Variants in PTH2R observed in about 807,000 individuals in gnomAD.
PTH2R encodes parathyroid hormone 2 receptor, also known as PTH2 receptor.
Under a neutral mutation model 60.3 loss-of-function variants are expected in PTH2R, and 59 were observed. The observed-to-expected ratio is 0.98, with a 90% CI of 0.79 to 1.22. PTH2R has a LOEUF of 1.22. Among genes scored for constraint, PTH2R ranks in the 50% most tolerant of loss-of-function variants. The probability of loss-of-function intolerance (pLI) is 0.00; values close to 1 mark genes in which losing one functional copy is unlikely to be tolerated. For synonymous variants in PTH2R, 256 were observed against 243.8 expected (o/e 1.05, Z -0.47); for missense variants, 749 against 682.6 (o/e 1.10, Z -1.08).
intron 9 of PTH2R, among the ~76,000 whole-genome samples, chr2:208,475,000 A>T (rs552412791): frequency 5.9e-4 from 90 of 152,322 alleles, no homozygotes; most frequent in Non-Finnish European, 1.0e-3. Context: ...ATGGAAGGAG[A>T]TCAGTGCTGC....
At chr2:208,418,472 T>C (rs1701686641) in intron 1 of PTH2R, among the ~76,000 whole-genome samples, 1 of 151,756 alleles carries the variant, frequency 6.6e-6, no homozygotes, top group Non-Finnish European at 1.5e-5. Context: ...ATGAGAATGA[T>C]AATACACCAC....
chr2:208,387,661 C>T (rs1701026442), intron 1 of PTH2R, among the ~76,000 whole-genome samples: 1 of 152,090 alleles, frequency 6.6e-6, no homozygotes, highest in Admixed American at 6.5e-5. Context: ...ATAATTGAGG[C>T]AAAATAACAT....
At chr2:208,462,561 A>T (rs1446147760) in intron 9 of PTH2R, among the ~76,000 whole-genome samples, 3 of 152,246 alleles carry the variant, frequency 2.0e-5, no homozygotes, top group Non-Finnish European at 2.9e-5. Context: ...AGCTTGGATT[A>T]TACACAGTGA....
intron 9 of PTH2R, among the ~76,000 whole-genome samples, chr2:208,462,034 A>G (rs1189277522): frequency 2.0e-5 from 3 of 152,192 alleles, no homozygotes; most frequent in East Asian, 3.9e-4. Context: ...AGTTGATTTA[A>G]TCTCAAAAAT....
intron 9 of PTH2R, among the ~76,000 whole-genome samples, chr2:208,470,817 G>T (rs1260207123): frequency 6.6e-6 from 1 of 152,172 alleles, no homozygotes; most frequent in Non-Finnish European, 1.5e-5. Flanking sequence ...AGGGTTCACA[G>T]ACAGGAAAAT....
intron 1 of PTH2R, among the ~76,000 whole-genome samples, chr2:208,389,227 T>TACACACACACACACACAC (rs71041306): frequency 7.7e-5 from 11 of 142,550 alleles, no homozygotes; most frequent in African/African-American, 2.8e-4. Context: ...AGGAAATGCA[T>TACACACACACACACACAC]ACACACACAC....
chr2:208,481,957 G>T (rs770639907), intron 10 of PTH2R, among the ~76,000 whole-genome samples: 5 of 152,150 alleles, frequency 3.3e-5, no homozygotes, highest in Non-Finnish European at 5.9e-5. Flanking sequence ...CTATCTTAAG[G>T]TTGTGTGCAT....
intron 10 of PTH2R, among the ~76,000 whole-genome samples, chr2:208,482,277 C>T (rs569385478): frequency 4.3e-4 from 65 of 152,238 alleles, no homozygotes; most frequent in Admixed American, 2.4e-3. Context: ...TGTTCCCAGG[C>T]GGATCGGCAG....
chr2:208,416,131 C>A (rs375720658), intron 1 of PTH2R, among the ~76,000 whole-genome samples: 1 of 151,964 alleles, frequency 6.6e-6, no homozygotes, highest in African/African-American at 2.4e-5. Flanking sequence ...TTTACTGAAG[C>A]GTTTGCCTTG....
In PTH2R at chr2:208,437,608, G is replaced by A. The variant is rs989714149; in HGVS notation, c.250G>A (p.Val84Ile). The change falls in exon 3 of 13, where the codon GTT becomes ATT. Residue 84 changes from valine to isoleucine, a missense_variant. Coordinates refer to ENST00000272847, the MANE Select transcript of PTH2R (RefSeq NM_005048.4). ...AGGAACAGTGGGGAAAATATCGGCT[G>A]TTCCATGCCCTCCTTATATTTATGA... ...PRGTVGKISA[V>I]PCPPYIYDFN... 2.5e-6 allele frequency: 4 copies of A among 1,613,674 alleles called. No homozygotes were observed. The highest frequency in any genetic ancestry group is 1.3e-5 in the African/African-American group (1 of 75,018).
intron 1 of PTH2R, among the ~76,000 whole-genome samples, chr2:208,377,739 C>T (rs866159335): frequency 3.2e-4 from 42 of 130,280 alleles, no homozygotes; most frequent in African/African-American, 1.2e-3. Context: ...CAGACGGGGT[C>T]GCGGCTGGGC....
intron 1 of PTH2R, among the ~76,000 whole-genome samples, chr2:208,419,139 A>G (rs1480242279): frequency 1.3e-5 from 2 of 152,196 alleles, no homozygotes; most frequent in Admixed American, 6.5e-5. Flanking sequence ...TCCCACCAAC[A>G]GTGTAAAGGT....
intron 2 of PTH2R, among the ~76,000 whole-genome samples, chr2:208,435,230 G>T (rs1702050750): frequency 6.6e-6 from 1 of 152,210 alleles, no homozygotes. Context: ...CCTCAGCACA[G>T]TTAGTGTAAC....
At chr2:208,389,630 TAATG>T (rs1305570511) in intron 1 of PTH2R, among the ~76,000 whole-genome samples, 3 of 152,212 alleles carry the variant, frequency 2.0e-5, no homozygotes, top group African/African-American at 7.2e-5. Context: ...TGAGGGGAAG[TAATG>T]AATCATGATC....
intron 10 of PTH2R, among the ~76,000 whole-genome samples, chr2:208,482,821 A>T (rs748057315): frequency 6.6e-6 from 1 of 152,108 alleles, no homozygotes; most frequent in Non-Finnish European, 1.5e-5. Context: ...GCGTCCGTTT[A>T]TAGGCTCTCC....
chr2:208,484,136 G>A (rs1168677767), intron 10 of PTH2R, among the ~76,000 whole-genome samples: 3 of 152,086 alleles, frequency 2.0e-5, no homozygotes, highest in African/African-American at 7.2e-5. Flanking sequence ...TTTCCAAATG[G>A]TGGCATCTAA....
intron 12 of PTH2R, among the ~76,000 whole-genome samples, chr2:208,492,580 C>T (rs759978685): frequency 7.2e-5 from 11 of 152,082 alleles, no homozygotes; most frequent in Non-Finnish European, 1.0e-4. Context: ...GACAAGAGGC[C>T]TTATCCCTCT....
At position 208,493,420 on chromosome 2, in the gene PTH2R, G is replaced by T; in HGVS notation, c.1414G>T (p.Val472Leu). Residue 472 changes from valine to leucine, a missense_variant, in exon 13 of 13, where the codon GTG (valine) becomes TTG (leucine). Transcript: ENST00000272847. ...ACAGGTGGCGGCCAGCACACGCATG[G>T]TGCTTATCTCTGGCAAAGCTGCCAA... ...QSQVAASTRM[V>L]LISGKAAKIA... 1 of 1,610,904 alleles carries T rather than the reference G, an allele frequency of 6.2e-7. No homozygotes were observed. The highest frequency in any genetic ancestry group is 8.5e-7 in the Non-Finnish European group (1 of 1,177,944).
At chr2:208,368,135 C>G (rs1700628668) in intron 1 of PTH2R, among the ~76,000 whole-genome samples, 1 of 152,202 alleles carries the variant, frequency 6.6e-6, no homozygotes, top group African/African-American at 2.4e-5. Flanking sequence ...AACCACAGAG[C>G]ACTTTACCTG....
Sources: gnomAD v4.1 joint callset for allele counts (sites outside exome capture counted in the v4.1 genomes callset) on GRCh38, gnomAD v4.1.1 for gene constraint, MANE v1.5 for transcripts, NCBI Gene and HGNC (gene_info 2026-07-23, HGNC 2026-07-21) for gene names.